ADAMTS3: variants seen among roughly 807,000 people sequenced by gnomAD.
ADAMTS3 encodes A disintegrin and metalloproteinase with thrombospondin motifs 3.
In ADAMTS3, 73 loss-of-function variants were observed where a neutral mutation model predicts 129.0. The observed-to-expected ratio is 0.57, with a 90% confidence interval of 0.47 to 0.69. The LOEUF is 0.69. Ranked by LOEUF, ADAMTS3 falls within the 30% of genes least tolerant of loss-of-function variation. ADAMTS3 has a pLI of 0.00. For synonymous variants in ADAMTS3, 477 were observed against 510.8 expected (o/e 0.93, Z 0.89); for missense variants, 1,457 against 1,514.5 (o/e 0.96, Z 0.63).
Position 72,568,955 on chromosome 4 carries a change from C to T in ADAMTS3, c.-193G>A. On this transcript the variant is annotated 5_prime_UTR_variant, in exon 1 of 22. Transcript: ENST00000286657. ...TCTGAGACTGGCCCCCTCTGCTCTG[C>T]AGTTTTTTCCACTTCACCTTCTCAC... 1.6e-6 allele frequency: 1 copy of T among 613,964 alleles called. No individual in the cohort carries two copies. The highest frequency in any genetic ancestry group is 2.8e-5 in the East Asian group (1 of 35,938). 38.0% of individuals were successfully genotyped at this position (613,964 alleles called of 1,614,324 possible).
At chr4:72,470,133 A>G (rs912495138) in intron 3 of ADAMTS3, among the ~76,000 whole-genome samples, 3 of 152,134 alleles carry the variant, frequency 2.0e-5, no homozygotes, top group Admixed American at 2.0e-4. Flanking sequence ...GAGAAAAACT[A>G]GAATGCTCAA....
intron 4 of ADAMTS3, among the ~76,000 whole-genome samples, chr4:72,369,742 AT>A (rs1720957602): frequency 6.7e-6 from 1 of 150,338 alleles, no homozygotes; most frequent in Admixed American, 6.6e-5. Context: ...AAAAAAAAAA[AT>A]AAACAGACAA....
chr4:72,300,548 A>G (rs1404153587), intron 17 of ADAMTS3, among the ~76,000 whole-genome samples: 1 of 152,214 alleles, frequency 6.6e-6, no homozygotes, highest in Non-Finnish European at 1.5e-5. Context: ...AGAGTCTAGA[A>G]TAGACCCACA....
At chr4:72,533,116 G>A (rs1721087130) in intron 3 of ADAMTS3, among the ~76,000 whole-genome samples, 1 of 151,732 alleles carries the variant, frequency 6.6e-6, no homozygotes, top group African/African-American at 2.4e-5. Context: ...ATTATACTTA[G>A]CTTAAAACAC....
intron 4 of ADAMTS3, among the ~76,000 whole-genome samples, chr4:72,399,848 C>T (rs1406443133): frequency 3.0e-5 from 3 of 99,246 alleles, no homozygotes; most frequent in South Asian, 3.2e-4. Context: ...TATACACACA[C>T]GGTGTGTATA....
intron 3 of ADAMTS3, among the ~76,000 whole-genome samples, chr4:72,478,892 A>G (rs1052934243): frequency 1.3e-5 from 2 of 151,892 alleles, no homozygotes; most frequent in Admixed American, 1.3e-4. Context: ...ATTCTTATAC[A>G]CCAATAACAG....
intron 5 of ADAMTS3, among the ~76,000 whole-genome samples, chr4:72,328,832 G>A (rs1428464411): frequency 6.6e-6 from 1 of 152,034 alleles, no homozygotes; most frequent in Non-Finnish European, 1.5e-5. Flanking sequence ...GAGTGATTCT[G>A]GCTAGATATA....
Position 72,317,943 on chromosome 4 carries a change from T to C in ADAMTS3, c.1485+629A>G, listed in dbSNP as rs1366063853. 7.9e-5 allele frequency among the ~76,000 whole-genome samples: 12 copies of C among 151,570 alleles called. No homozygotes were observed. In the East Asian group the frequency reaches 2.3e-3, roughly 29 times the overall value. On this transcript the variant is annotated intron_variant, in intron 10 of 21. Transcript: ENST00000286657. Reference sequence around the variant, plus strand: ...ACTCGGGAGGCTGAGGCGGGAGAATTGCTTGAACTCAGGAGGCGGAGGTTG... The same window carrying C: ...ACTCGGGAGGCTGAGGCGGGAGAATCGCTTGAACTCAGGAGGCGGAGGTTG...
chr4:72,514,947 G>C (rs546566288), intron 3 of ADAMTS3, among the ~76,000 whole-genome samples: 2 of 151,828 alleles, frequency 1.3e-5, no homozygotes, highest in Non-Finnish European at 2.9e-5. Flanking sequence ...AACTCGTCAT[G>C]TAGCATTAGG....
chr4:72,499,751 G>A (rs1719963668), intron 3 of ADAMTS3, among the ~76,000 whole-genome samples: 3 of 152,158 alleles, frequency 2.0e-5, no homozygotes, highest in Non-Finnish European at 2.9e-5. Context: ...ATGCCCAATA[G>A]TTTTTCAACT....
intron 6 of ADAMTS3, among the ~76,000 whole-genome samples, 197 bp from the exon 7 acceptor site, chr4:72,321,067 C>G (rs1232481800): frequency 6.6e-6 from 1 of 152,134 alleles, no homozygotes. Flanking sequence ...TCAATTTTAC[C>G]TGTGTGAAAG....
Position 72,566,752 on chromosome 4 carries a change from C to T in ADAMTS3, c.97+622G>A, listed in dbSNP as rs150825829. On this transcript the variant is annotated intron_variant, in intron 2 of 21. Coordinates refer to ENST00000286657, the MANE Select transcript of ADAMTS3 (RefSeq NM_014243.3). ...GACTTCTGAGTGACCTGTTGCAAGTCACTTACACTCTCTGAATCTCAGTCT... is the reference window on the plus strand; with the variant it reads ...GACTTCTGAGTGACCTGTTGCAAGTTACTTACACTCTCTGAATCTCAGTCT... 4.6e-5 allele frequency among the ~76,000 whole-genome samples: 7 copies of T among 152,178 alleles called. No individual in the cohort carries two copies. The East Asian group carries it at 1.4e-3, about 29-fold the overall frequency.
chr4:72,519,517 C>G (rs1720598727), intron 3 of ADAMTS3, among the ~76,000 whole-genome samples: 1 of 152,198 alleles, frequency 6.6e-6, no homozygotes, highest in African/African-American at 2.4e-5. Flanking sequence ...TCCCATATTT[C>G]TTGGAGGCTT....
intron 20 of ADAMTS3, among the ~76,000 whole-genome samples, chr4:72,289,218 C>T (rs1024506245): frequency 6.6e-6 from 1 of 152,046 alleles, no homozygotes; most frequent in African/African-American, 2.4e-5. Flanking sequence ...TTCCTGACAC[C>T]TAGTAAGCAT....
At chr4:72,395,814 G>T (rs1721711922) in intron 4 of ADAMTS3, among the ~76,000 whole-genome samples, 1 of 150,272 alleles carries the variant, frequency 6.7e-6, no homozygotes, top group African/African-American at 2.5e-5. Context: ...TAGTATATTT[G>T]TGTGTGTGTG....
At chr4:72,429,557 G>T (rs1029760764) in intron 3 of ADAMTS3, among the ~76,000 whole-genome samples, 3 of 151,962 alleles carry the variant, frequency 2.0e-5, no homozygotes, top group Admixed American at 1.3e-4. Context: ...ATACCAAAGT[G>T]CATGATCATC....
intron 4 of ADAMTS3, among the ~76,000 whole-genome samples, chr4:72,358,532 G>C (rs1720639917): frequency 6.6e-6 from 1 of 151,722 alleles, no homozygotes; most frequent in Non-Finnish European, 1.5e-5. Flanking sequence ...AAATATGATG[G>C]CTTTACTCTG....
At chr4:72,427,284 G>T (rs1348425763) in intron 3 of ADAMTS3, among the ~76,000 whole-genome samples, 1 of 152,100 alleles carries the variant, frequency 6.6e-6, no homozygotes, top group African/African-American at 2.4e-5. Context: ...ACTGCAGAGA[G>T]CCTAAGCTGA....
intron 2 of ADAMTS3, among the ~76,000 whole-genome samples, chr4:72,555,603 A>T (rs1721743565): frequency 1.3e-5 from 2 of 151,944 alleles, no homozygotes; most frequent in Admixed American, 6.5e-5. Context: ...GAGAAGAGTT[A>T]TATGCTTATG....
Sources: gnomAD v4.1 joint callset for allele counts (sites outside exome capture counted in the v4.1 genomes callset) on GRCh38, gnomAD v4.1.1 for gene constraint, MANE v1.5 for transcripts, NCBI Gene and HGNC (gene_info 2026-07-23, HGNC 2026-07-21) for gene names.